Variants in TNFSF9 observed in about 807,000 individuals in gnomAD.
TNFSF9 encodes tumor necrosis factor ligand superfamily member 9.
In TNFSF9, 10 loss-of-function variants were observed where a neutral mutation model predicts 10.3. That is an observed-to-expected ratio of 0.97 (90% CI 0.60 to 1.65). TNFSF9 has a LOEUF of 1.65. TNFSF9 is among the 40% of genes most tolerant of loss of function. The pLI is 0.00. For synonymous variants in TNFSF9, 195 were observed against 176.1 expected, an observed-to-expected ratio of 1.11 and a Z score of -0.85; for missense variants, 361 against 348.9, an observed-to-expected ratio of 1.03 and a Z score of -0.28.
intron 2 of TNFSF9, 148 bp downstream of exon 2, chr19:6,532,964 C>G: frequency 8.8e-7 from 1 of 1,138,258 alleles, no homozygotes; most frequent in South Asian, 1.3e-5. Context: ...TACTTCCCCT[C>G]TTTGAACGCC....
chr19:6,531,077 C>T lies in TNFSF9; in HGVS notation c.41C>T (p.Pro14Leu), dbSNP rs772060180. Residue 14 changes from proline to leucine, a missense_variant, in exon 1 of 3, where the codon CCG (proline) becomes CTG (leucine). Pro to Leu is a moderately conservative substitution (Grantham distance 98). Transcript: ENST00000245817. ...ASDASLDPEA[P>L]WPPAPRARAC... The stretch of plus-strand genomic sequence containing the variant: ...GACGCTTCACTGGACCCCGAAGCCC[C>T]GTGGCCTCCCGCGCCCCGCGCTCGC... 1.2e-6 allele frequency: 2 copies of T among 1,611,028 alleles called. No homozygotes were observed. Among genetic ancestry groups the T allele is most frequent in the Non-Finnish European group, 1.7e-6 (2 of 1,179,066 alleles).
chr19:6,534,407 C>T (rs902858684), intron 2 of TNFSF9, among the ~76,000 whole-genome samples, 193 bp from the exon 3 acceptor site: 10 of 121,480 alleles, frequency 8.2e-5, no homozygotes, highest in African/African-American at 2.8e-4. Context: ...TCAATCAGCA[C>T]CCCCCCAACG....
At chr19:6,531,744 C>G (rs1427685933) in intron 1 of TNFSF9, among the ~76,000 whole-genome samples, 1 of 151,812 alleles carries the variant, frequency 6.6e-6, no homozygotes, top group African/African-American at 2.4e-5. Context: ...TCCCGAGACC[C>G]CATCAGCACC....
intron 2 of TNFSF9, among the ~76,000 whole-genome samples, chr19:6,534,298 T>A (rs930048597): frequency 6.6e-6 from 1 of 151,514 alleles, no homozygotes; most frequent in Non-Finnish European, 1.5e-5. Flanking sequence ...CCGACTCTTG[T>A]CCTTCTCCCT....
In TNFSF9 at chr19:6,532,811, A is replaced by C. The variant is rs1325322131; in HGVS notation, c.293A>C (p.Gln98Pro). 1.2e-6 allele frequency: 2 copies of C among 1,613,706 alleles called. No homozygotes were observed. Among genetic ancestry groups the C allele is most frequent in the Non-Finnish European group, 1.7e-6 (2 of 1,179,806 alleles). The change falls in exon 2 of 3, where the codon CAA becomes CCA. Residue 98 changes from glutamine to proline, a missense_variant. Gln to Pro is a moderately conservative substitution (Grantham distance 76). Coordinates refer to ENST00000245817, the MANE Select transcript of TNFSF9 (RefSeq NM_003811.4). ...GGCATGTTTGCGCAGCTGGTGGCCC[A>C]AAATGGTAAGTATCCTCCGCCACTT... is the stretch of plus-strand genomic sequence containing the variant. ...RQGMFAQLVA[Q>P]NVLLIDGPLS...
chr19:6,532,289 GTGTGTGTGTTCGTGTT>G (rs1240882945), intron 1 of TNFSF9, among the ~76,000 whole-genome samples: 1 of 145,450 alleles, frequency 6.9e-6, no homozygotes, highest in African/African-American at 2.8e-5. Flanking sequence ...GTGTGTGTGT[GTGTGTGTGTTCGTGTT>G]TGTGTGGGTG....
At chr19:6,534,543 C>T (rs1315370555) in intron 2 of TNFSF9, 57 bp from the exon 3 acceptor site, 6 of 1,481,168 alleles carry the variant, frequency 4.1e-6, no homozygotes, top group Non-Finnish European at 5.4e-6. Flanking sequence ...TGCTCAGCCA[C>T]GCTCAGCTGT....
chr19:6,532,001 A>G (rs1181490647), intron 1 of TNFSF9, among the ~76,000 whole-genome samples: 1 of 151,082 alleles, frequency 6.6e-6, no homozygotes, highest in African/African-American at 2.4e-5. Flanking sequence ...TTTACCCCGC[A>G]CCCCCACAAG....
chr19:6,532,750 AC>A, intron 1 of TNFSF9, 35 bp from the exon 2 acceptor site: 1 of 1,613,154 alleles, frequency 6.2e-7, no homozygotes, highest in Non-Finnish European at 8.5e-7. Flanking sequence ...TTCTAGGGGA[AC>A]CCCCATCCAC....
In TNFSF9 at chr19:6,532,197, G is replaced by A. The variant is rs1013954649; in HGVS notation, c.268-589G>A. 5.9e-5 allele frequency among the ~76,000 whole-genome samples: 9 copies of A among 152,124 alleles called. 1 individual carries two copies. Among genetic ancestry groups the A allele is most frequent in the Non-Finnish European group, 8.8e-5 (6 of 68,042 alleles). ...GGAATACCCCCAAGGGGGCTGGAAA[G>A]AAGAGGGATCGCTTTTCCCTCCTGA... On this transcript the variant is annotated intron_variant, in intron 1 of 2. Transcript: ENST00000245817.
At position 6,532,823 on chromosome 19, in the gene TNFSF9, A is replaced by G; in HGVS notation, c.298+7A>G. ...CAGCTGGTGGCCCAAAATGGTAAGT[A>G]TCCTCCGCCACTTCCGGTCCCTGGC... is the stretch of plus-strand genomic sequence containing the variant. On this transcript the variant is annotated splice_region_variant and intron_variant, in intron 2 of 2. Transcript: ENST00000245817. 1 of 1,613,692 alleles carries G rather than the reference A, an allele frequency of 6.2e-7. No homozygotes were observed. Among genetic ancestry groups the G allele is most frequent in the South Asian group, 1.1e-5 (1 of 91,078 alleles).
chr19:6,531,261 G>C lies in TNFSF9; in HGVS notation c.225G>C (p.Glu75Asp). The stretch of plus-strand genomic sequence containing the variant: ...GCCCGAGACTCCGCGAGGGTCCCGA[G>C]CTTTCGCCCGACGATCCCGCCGGCC... The part of the protein sequence containing the change: ...AASPRLREGP[E>D]LSPDDPAGLL... Residue 75 changes from glutamate to aspartate, a missense_variant, in exon 1 of 3, where the codon GAG becomes GAC. Glu to Asp is a conservative substitution (Grantham distance 45). Transcript: ENST00000245817. 5.3e-6 allele frequency: 8 copies of C among 1,511,178 alleles called. No individual in the cohort carries two copies. Among genetic ancestry groups the C allele is most frequent in the Non-Finnish European group, 7.0e-6 (8 of 1,138,912 alleles). The allele number at this position is 1,511,178 out of a possible 1,614,324, so 93.6% of individuals were successfully genotyped here. A position where few individuals can be genotyped will look rare whatever the true frequency, so the allele number is the denominator to read the frequency against.
intron 2 of TNFSF9, 54 bp downstream of exon 2, chr19:6,532,870 G>C (rs971115601): frequency 5.3e-5 from 85 of 1,612,228 alleles, no homozygotes; most frequent in Non-Finnish European, 6.8e-5. Flanking sequence ...CCCACCCCGG[G>C]ATACGAAGAA....
intron 1 of TNFSF9, among the ~76,000 whole-genome samples, chr19:6,531,985 C>T (rs190853504): frequency 2.6e-5 from 4 of 152,212 alleles, no homozygotes; most frequent in Admixed American, 2.0e-4. Context: ...ATTGAGGGCA[C>T]CTCTTTTTAC....
intron 1 of TNFSF9, among the ~76,000 whole-genome samples, chr19:6,531,777 C>A (rs564167181): frequency 6.6e-6 from 1 of 152,132 alleles, no homozygotes; most frequent in South Asian, 2.1e-4. Flanking sequence ...GAGGAGACCC[C>A]CACAGTCCTC....
intron 2 of TNFSF9, among the ~76,000 whole-genome samples, chr19:6,533,830 A>G (rs1599429701): frequency 8.9e-5 from 1 of 11,282 alleles, no homozygotes; most frequent in Non-Finnish European, 1.7e-4. Context: ...CCTGCCTAAG[A>G]CTCCCCTCCC....
intron 2 of TNFSF9, among the ~76,000 whole-genome samples, chr19:6,534,265 A>C (rs1371552331): frequency 6.8e-6 from 1 of 146,612 alleles, no homozygotes; most frequent in Non-Finnish European, 1.5e-5. Flanking sequence ...TCCCCACCCA[A>C]CCTCTTGGAG....
chr19:6,534,413 C>T (rs1915218687), intron 2 of TNFSF9, among the ~76,000 whole-genome samples, 187 bp from the exon 3 acceptor site: 1 of 122,240 alleles, frequency 8.2e-6, no homozygotes, highest in South Asian at 2.7e-4. Flanking sequence ...AGCACCCCCC[C>T]AACGCCCCCC....
At position 6,534,907 on chromosome 19, in the gene TNFSF9, C is replaced by T. The variant is rs1915235846; in HGVS notation, c.606C>T (p.Arg202=). Residue 202 remains arginine, a synonymous_variant, in exon 3 of 3, where the codon CGC becomes CGT. Transcript: ENST00000245817. ...ACTCGGCCTTCGGTTTCCAGGGCCG[C>T]TTGCTGCACCTGAGTGCCGGCCAGC... ...ARNSAFGFQG[R]LLHLSAGQRL... 1 of 1,608,536 alleles carries T rather than the reference C, an allele frequency of 6.2e-7. No homozygotes were observed. Among genetic ancestry groups the T allele is most frequent in the Admixed American group, 1.7e-5 (1 of 59,888 alleles).
Sources: gnomAD v4.1 joint callset for allele counts (sites outside exome capture counted in the v4.1 genomes callset) on GRCh38, gnomAD v4.1.1 for gene constraint, MANE v1.5 for transcripts, NCBI Gene and HGNC (gene_info 2026-07-23, HGNC 2026-07-21) for gene names.